The following ZNF512 variants were observed in gnomAD, a reference collection of about 807,000 sequenced individuals.
ZNF512 encodes zinc finger protein 512.
A neutral mutation model predicts 77.5 loss-of-function variants in ZNF512; 25 were observed. That is an observed-to-expected ratio of 0.32 (90% CI 0.23 to 0.45). ZNF512 has a LOEUF of 0.45. Among genes scored for constraint, ZNF512 ranks in the 20% least tolerant of loss-of-function variants. The pLI, the probability that ZNF512 is intolerant of heterozygous loss-of-function variation, is 1.00. For synonymous variants in ZNF512, 246 were observed against 239.9 expected, an observed-to-expected ratio of 1.03 and a Z score of -0.24; for missense variants, 483 against 692.6, an observed-to-expected ratio of 0.70 and a Z score of 3.40.
intron 10 of ZNF512, among the ~76,000 whole-genome samples, chr2:27,612,293 G>C (rs144888011): frequency 6.6e-6 from 1 of 151,986 alleles, no homozygotes; most frequent in South Asian, 2.1e-4. Context: ...AAGACAGGCC[G>C]TAGGCTTATC....
At position 27,601,379 on chromosome 2, in the gene ZNF512, T is replaced by C; in HGVS notation, c.606T>C (p.Cys202=). 6.2e-7 allele frequency: 1 copy of C among 1,614,146 alleles called. No homozygotes were observed. The highest frequency in any genetic ancestry group is 8.5e-7 in the Non-Finnish European group (1 of 1,180,006). The change falls in exon 7 of 14, where the codon TGT becomes TGC. Residue 202 remains cysteine (C), a synonymous_variant. Transcript: ENST00000355467. ...CKQEMFTCHH[C]GKQLRSLAGM... is the part of the protein sequence containing the mutation. The stretch of plus-strand genomic sequence containing the variant: ...AGGAAATGTTTACTTGTCATCATTG[T>C]GGGAAACAACTTCGTTCACTGGCAG...
intron 9 of ZNF512, among the ~76,000 whole-genome samples, chr2:27,603,591 T>TGTGTGTGTGTGTGTGTGTGTGTG (rs772409987): frequency 6.9e-5 from 6 of 87,220 alleles, no homozygotes; most frequent in Non-Finnish European, 9.4e-5. Flanking sequence ...TGTGTGTATA[T>TGTGTGTGTGTGTGTGTGTGTGTG]TTTTTTTTTT....
rs753093827 is a variant in ZNF512 at position 27,583,076 on chromosome 2, G to A, written c.-37G>A. ...CGGAAGTGGCGTTGGTCTGGCCGGA[G>A]CCCTTGGGTGAAATTGTTAGGCGTG... On this transcript the variant is annotated 5_prime_UTR_variant, in exon 1 of 14. Coordinates refer to ENST00000355467, the MANE Select transcript of ZNF512 (RefSeq NM_032434.4). 9.3e-6 allele frequency: 15 copies of A among 1,613,910 alleles called. No individual in the cohort carries two copies. Among genetic ancestry groups the A allele is most frequent in the African/African-American group, 4.0e-5 (3 of 74,908 alleles).
At chr2:27,608,338 A>G (rs972754038) in intron 10 of ZNF512, among the ~76,000 whole-genome samples, 1 of 152,166 alleles carries the variant, frequency 6.6e-6, no homozygotes, top group African/African-American at 2.4e-5. Context: ...GGTCATATGT[A>G]GTAGTTTATA....
chr2:27,610,528 GTA>G (rs1200954341), intron 10 of ZNF512, among the ~76,000 whole-genome samples: 28 of 96,542 alleles, frequency 2.9e-4, no homozygotes, highest in African/African-American at 1.2e-3. Flanking sequence ...ATATGTGTGT[GTA>G]TATATATGTG....
At chr2:27,606,183 A>T (rs1344666048) in intron 9 of ZNF512, among the ~76,000 whole-genome samples, 3 of 151,958 alleles carry the variant, frequency 2.0e-5, no homozygotes, top group Non-Finnish European at 2.9e-5. Flanking sequence ...TTGTCTTATT[A>T]AGTTTGGGAT....
intron 2 of ZNF512, among the ~76,000 whole-genome samples, chr2:27,592,965 G>C (rs1284499346): frequency 6.6e-6 from 1 of 151,846 alleles, no homozygotes; most frequent in African/African-American, 2.4e-5. Context: ...GATTACAGGC[G>C]TGAGCCACCA....
At position 27,607,856 on chromosome 2, in the gene ZNF512, T is replaced by C. The variant is rs1486443403; in HGVS notation, c.948T>C (p.Phe316=). ...LRSEHGPISF[F]PESGQPECLK... is the part of the protein sequence containing the mutation. ...TCTCATTCTTGCAGATATCCTTCTTTCCAGAGTCAGGACAGCCAGAGTGCT... is the reference window on the plus strand; with the variant it reads ...TCTCATTCTTGCAGATATCCTTCTTCCCAGAGTCAGGACAGCCAGAGTGCT... The change falls in exon 10 of 14, where the codon TTT becomes TTC. Residue 316 remains phenylalanine, a synonymous_variant. Transcript: ENST00000355467. 6 of 1,614,000 alleles carry C rather than the reference T, an allele frequency of 3.7e-6. No homozygotes were observed. Among genetic ancestry groups the C allele is most frequent in the Admixed American group, 3.3e-5 (2 of 59,994 alleles).
intron 9 of ZNF512, among the ~76,000 whole-genome samples, chr2:27,603,595 T>A (rs868232313): frequency 0.077 from 11,131 of 145,486 alleles, 498 homozygotes; most frequent in African/African-American, 0.097. Context: ...TGTATATTTT[T>A]TTTTTTTTTT....
At chr2:27,604,459 TACAGTCATGTAACC>T (rs66497975) in intron 9 of ZNF512, among the ~76,000 whole-genome samples, 36,305 of 152,080 alleles carry the variant, frequency 0.24, 5,591 homozygotes, top group East Asian at 0.49. Context: ...GACACATGTA[TACAGTCATGTAACC>T]ACTATCACAC....
chr2:27,594,335 G>A (rs1291689384), intron 2 of ZNF512, among the ~76,000 whole-genome samples: 4 of 147,120 alleles, frequency 2.7e-5, no homozygotes, highest in East Asian at 4.0e-4. Flanking sequence ...CCTCCTAAAC[G>A]GGGTGGCGGC....
intron 13 of ZNF512, among the ~76,000 whole-genome samples, chr2:27,620,400 G>T (rs544790711): frequency 1.3e-5 from 2 of 152,246 alleles, no homozygotes; most frequent in African/African-American, 4.8e-5. Context: ...CGGATCACTT[G>T]TCACATACAT....
chr2:27,602,616 T>C (rs1036549444), intron 8 of ZNF512, 55 bp downstream of exon 8: 1 of 1,482,138 alleles, frequency 6.7e-7, no homozygotes, highest in Non-Finnish European at 9.2e-7. Flanking sequence ...TCAATGTCTT[T>C]CGTTCTTCTT....
intron 10 of ZNF512, among the ~76,000 whole-genome samples, chr2:27,613,803 C>T (rs1161810545): frequency 1.3e-5 from 2 of 151,990 alleles, no homozygotes; most frequent in Admixed American, 6.6e-5. Flanking sequence ...TAGAAATCAT[C>T]CTCATCTTTT....
intron 8 of ZNF512, among the ~76,000 whole-genome samples, 160 bp from the exon 9 acceptor site, chr2:27,602,980 C>T (rs1672194278): frequency 6.6e-6 from 1 of 152,132 alleles, no homozygotes; most frequent in Admixed American, 6.5e-5. Context: ...TGGCCAGAGA[C>T]AAGGAAGGGT....
At chr2:27,603,573 A>AGTGTGTGTGTGTGT (rs11273312) in intron 9 of ZNF512, among the ~76,000 whole-genome samples, 69 of 133,164 alleles carry the variant, frequency 5.2e-4, no homozygotes, top group African/African-American at 1.8e-3. Context: ...ATTTTTATAT[A>AGTGTGTGTGTGTGT]GTGTGTGTGT....
intron 10 of ZNF512, among the ~76,000 whole-genome samples, chr2:27,611,931 T>G (rs1302380900): frequency 6.6e-6 from 1 of 152,010 alleles, no homozygotes; most frequent in Non-Finnish European, 1.5e-5. Context: ...CTCCTGATCT[T>G]GTGATCCACC....
At chr2:27,593,062 T>G (rs955158030) in intron 2 of ZNF512, among the ~76,000 whole-genome samples, 21 of 151,796 alleles carry the variant, frequency 1.4e-4, no homozygotes, top group African/African-American at 4.8e-4. Context: ...CTGAATAGTT[T>G]CGTTAAGATG....
chr2:27,610,742 G>A (rs1425204904), intron 10 of ZNF512, among the ~76,000 whole-genome samples: 1 of 150,098 alleles, frequency 6.7e-6, no homozygotes, highest in Non-Finnish European at 1.5e-5. Flanking sequence ...AACCATGCCT[G>A]GCTAATTTTT....
Sources: gnomAD v4.1 joint callset for allele counts (sites outside exome capture counted in the v4.1 genomes callset) on GRCh38, gnomAD v4.1.1 for gene constraint, MANE v1.5 for transcripts, NCBI Gene and HGNC (gene_info 2026-07-23, HGNC 2026-07-21) for gene names.